Variants in GPD2 observed in about 807,000 individuals in gnomAD.
GPD2 encodes glycerol-3-phosphate dehydrogenase 2.
A neutral mutation model predicts 82.4 loss-of-function variants in GPD2; 54 were observed. The observed-to-expected ratio is 0.66, with a 90% CI of 0.53 to 0.82. The LOEUF (loss-of-function observed/expected upper bound fraction) is 0.82. Ranked by LOEUF, GPD2 falls within the 40% of genes least tolerant of loss-of-function variation. The pLI is 0.00. For missense variants in GPD2, 748 were observed against 896.2 expected, an observed-to-expected ratio of 0.83 and a Z score of 2.11; for synonymous variants, 288 against 306.1, an observed-to-expected ratio of 0.94 and a Z score of 0.62.
intron 1 of GPD2, among the ~76,000 whole-genome samples, chr2:156,459,315 G>A (rs544637960): frequency 1.3e-5 from 2 of 152,216 alleles, no homozygotes; most frequent in South Asian, 2.1e-4. Flanking sequence ...TACGCCTACT[G>A]TCCGGTTTAG....
chr2:156,410,493 C>T, the GPD2 span, among the ~76,000 whole-genome samples: 2 of 152,286 alleles, frequency 1.3e-5, no homozygotes, highest in East Asian at 1.9e-4. Flanking sequence ...ATTTACTAGT[C>T]ATCTTAGCTT....
At chr2:156,484,909 C>G (rs1256188528) in intron 2 of GPD2, among the ~76,000 whole-genome samples, 3 of 152,092 alleles carry the variant, frequency 2.0e-5, no homozygotes, top group African/African-American at 7.2e-5. Context: ...ACTCTGTACC[C>G]CTTGTTCAAC....
intron 1 of GPD2, among the ~76,000 whole-genome samples, chr2:156,442,785 C>T (rs545681772): frequency 6.6e-6 from 1 of 152,012 alleles, no homozygotes; most frequent in Non-Finnish European, 1.5e-5. Context: ...GGCAACAGAG[C>T]AAGACCCTGT....
Position 156,550,690 on chromosome 2 carries a change from A to G in GPD2, c.915A>G (p.Ala305=), listed in dbSNP as rs372015792. ...DSVRKMDDKD[A]AAICQPSAGV... ...TGCGCAAAATGGATGATAAAGACGC[A>G]GCAGCTATCTGCCAGCCAAGTGCTG... The change falls in exon 8 of 17, where the codon GCA becomes GCG. Residue 305 remains alanine, a synonymous_variant. Coordinates refer to ENST00000438166, the MANE Select transcript of GPD2 (RefSeq NM_000408.5). 5.0e-6 allele frequency: 8 copies of G among 1,613,902 alleles called. No individual in the cohort carries two copies. The African/African-American group carries it at 6.7e-5, about 13-fold the overall frequency.
At chr2:156,403,810 C>T in the GPD2 span, among the ~76,000 whole-genome samples, 4 of 152,274 alleles carry the variant, frequency 2.6e-5, no homozygotes, top group South Asian at 8.3e-4. Flanking sequence ...AATATTTTCC[C>T]TTGGCACTGC....
At chr2:156,460,811 T>C (rs1333112144) in intron 1 of GPD2, among the ~76,000 whole-genome samples, 1 of 152,222 alleles carries the variant, frequency 6.6e-6, no homozygotes, top group African/African-American at 2.4e-5. Context: ...AGTATGTAAG[T>C]TCAGTACATA....
intron 1 of GPD2, among the ~76,000 whole-genome samples, chr2:156,451,351 T>C (rs1190288762): frequency 3.4e-5 from 4 of 119,248 alleles, no homozygotes; most frequent in African/African-American, 9.7e-5. Flanking sequence ...TGCTCCTCAC[T>C]TCCCAGTAGG....
chr2:156,482,072 T>G (rs1460538820), intron 2 of GPD2, among the ~76,000 whole-genome samples: 1 of 152,198 alleles, frequency 6.6e-6, no homozygotes, highest in African/African-American at 2.4e-5. Context: ...TTTCAAAAAG[T>G]GTTACCTCTT....
the GPD2 span, among the ~76,000 whole-genome samples, chr2:156,406,134 C>A: frequency 2.9e-4 from 44 of 150,632 alleles, no homozygotes; most frequent in African/African-American, 1.1e-3. Flanking sequence ...CCTAGGGAAA[C>A]GGTGGAGCCA....
the GPD2 span, among the ~76,000 whole-genome samples, chr2:156,412,926 T>G: frequency 0.2 from 29,786 of 151,646 alleles, 3,303 homozygotes; most frequent in Non-Finnish European, 0.24. Context: ...GTGAAACCCC[T>G]TCTCTACAAA....
chr2:156,571,011 C>T (rs1467088192), intron 12 of GPD2, 123 bp from the exon 13 acceptor site: 2 of 752,582 alleles, frequency 2.7e-6, no homozygotes, highest in African/African-American at 3.4e-5. Context: ...GCTGGAGGAC[C>T]AGAGAGTATA....
At chr2:156,402,789 T>C in the GPD2 span, among the ~76,000 whole-genome samples, 2 of 152,204 alleles carry the variant, frequency 1.3e-5, no homozygotes, top group African/African-American at 4.8e-5. Context: ...GTGTTGGGAT[T>C]ACAGGGGTGA....
chr2:156,415,753 G>A, the GPD2 span, among the ~76,000 whole-genome samples: 1 of 152,156 alleles, frequency 6.6e-6, no homozygotes, highest in Non-Finnish European at 1.5e-5. Flanking sequence ...TACTCAGGAG[G>A]CTGAGGCAGG....
intron 2 of GPD2, 62 bp downstream of exon 2, chr2:156,476,269 T>C: frequency 1.1e-6 from 1 of 890,224 alleles, no homozygotes; most frequent in Non-Finnish European, 1.9e-6. Context: ...GAGCTGTCTA[T>C]GGGGAATGTG....
the GPD2 span, among the ~76,000 whole-genome samples, chr2:156,415,319 C>T: frequency 6.6e-6 from 1 of 151,850 alleles, no homozygotes; most frequent in East Asian, 1.9e-4. Context: ...CCACCACTCC[C>T]GGCTATTTTT....
chr2:156,438,641 T>C (rs774260056), intron 1 of GPD2, among the ~76,000 whole-genome samples: 5 of 152,214 alleles, frequency 3.3e-5, no homozygotes, highest in Non-Finnish European at 5.9e-5. Flanking sequence ...AACTTGATTC[T>C]TTCTGTTTGT....
intron 3 of GPD2, among the ~76,000 whole-genome samples, chr2:156,499,093 A>T (rs1684492830): frequency 6.6e-6 from 1 of 152,216 alleles, no homozygotes; most frequent in Non-Finnish European, 1.5e-5. Flanking sequence ...ATTCTAAGAC[A>T]TAAAGAGTTT....
At chr2:156,489,114 C>T (rs573182813) in intron 2 of GPD2, among the ~76,000 whole-genome samples, 107 of 152,184 alleles carry the variant, frequency 7.0e-4, no homozygotes, top group African/African-American at 2.4e-3. Context: ...TTGGTGAACT[C>T]ATGTGTCTAC....
At chr2:156,527,150 T>C (rs987705562) in intron 6 of GPD2, among the ~76,000 whole-genome samples, 1 of 152,074 alleles carries the variant, frequency 6.6e-6, no homozygotes, top group African/African-American at 2.4e-5. Context: ...AAAGCCAGCC[T>C]GGTATTAAGC....
Sources: gnomAD v4.1 joint callset for allele counts (sites outside exome capture counted in the v4.1 genomes callset) on GRCh38, gnomAD v4.1.1 for gene constraint, MANE v1.5 for transcripts, NCBI Gene and HGNC (gene_info 2026-07-23, HGNC 2026-07-21) for gene names.